Variants in PRR29 observed in about 807,000 individuals in gnomAD.
The protein encoded by PRR29 is proline-rich protein 29.
A neutral mutation model predicts 25.1 loss-of-function variants in PRR29; 20 were observed. That is an observed-to-expected ratio of 0.80 (90% CI 0.56 to 1.16). PRR29 has a LOEUF of 1.16. Among genes scored for constraint, PRR29 ranks in the 50% most tolerant of loss-of-function variants. The pLI is 0.00. For synonymous variants in PRR29, 108 were observed against 102.6 expected (o/e 1.05, Z -0.32); for missense variants, 238 against 246.6 (o/e 0.97, Z 0.23).
chr17:64,000,856 CGG>C (rs1349615508), intron 3 of PRR29: 16 of 472,410 alleles, frequency 3.4e-5, no homozygotes, highest in Non-Finnish European at 3.8e-6. Context: ...TTAGTAGAGA[CGG>C]GGTTTCACCG....
chr17:63,998,750 C>A lies in PRR29; in HGVS notation c.104C>A (p.Pro35His), dbSNP rs761616908. Residue 35 changes from proline (P) to histidine (H), a missense_variant, in exon 2 of 6, where the codon CCT (proline) becomes CAT (histidine). Pro to His is a moderately conservative substitution (Grantham distance 77, BLOSUM62 -2). Transcript: ENST00000412177. ...CAGCCCCTCTCGTGGGCCGTCCCAC[C>A]TGCGCCCCCGCAGCCAGGCCGCGTG... ...FLQPLSWAVP[P>H]APPQPGRVKE... 1 of 1,529,856 alleles carries A rather than the reference C, an allele frequency of 6.5e-7. No homozygotes were observed. The highest frequency in any genetic ancestry group is 8.7e-7 in the Non-Finnish European group (1 of 1,143,810). The allele number at this position is 1,529,856 out of a possible 1,614,324, so 94.8% of individuals were successfully genotyped here.
chr17:63,999,114 T>C (rs1204604987), intron 3 of PRR29, 40 bp downstream of exon 3: 1 of 1,465,868 alleles, frequency 6.8e-7, no homozygotes, highest in South Asian at 1.2e-5. Flanking sequence ...CACCTGTGGG[T>C]CCAGGGATGC....
Position 63,998,966 on chromosome 17 carries a change from A to C in PRR29, c.137-2A>C. 6.5e-7 allele frequency: 1 copy of C among 1,536,228 alleles called. No individual in the cohort carries two copies. The highest frequency in any genetic ancestry group is 1.2e-5 in the South Asian group (1 of 84,066). On this transcript the variant is annotated splice_acceptor_variant, in intron 2 of 5. Coordinates refer to ENST00000412177, the MANE Select transcript of PRR29 (RefSeq NM_001164257.2). LOFTEE classifies it high-confidence loss of function. The stretch of plus-strand genomic sequence containing the variant: ...GTGGGCTTGCTGAACCCCGCTTCCT[A>C]GACCTGCTGGAACTGATGATGCTGC...
Position 64,002,164 on chromosome 17 carries a change from C to T in PRR29, c.*403C>T, listed in dbSNP as rs1910817880. On this transcript the variant is annotated 3_prime_UTR_variant, in exon 6 of 6. Transcript: ENST00000412177. ...GCAAGAGGGGAGGGGGGGATTCCTT[C>T]TGCTTTCCACAGCTTTGAAGGCCCC... The T allele has an allele frequency of 9.4e-6, 7 of 744,454 alleles. No homozygotes were observed. Among genetic ancestry groups the T allele is most frequent in the Admixed American group, 2.9e-5 (1 of 34,356 alleles). 46.1% of individuals were successfully genotyped at this position (744,454 alleles called of 1,614,324 possible).
Position 64,003,771 on chromosome 17 carries a change from T to A in PRR29, c.*2010T>A, listed in dbSNP as rs1341501207. On this transcript the variant is annotated 3_prime_UTR_variant, in exon 6 of 6. Transcript: ENST00000412177. ...CCTCTCTGTCAGCCGTGCTGTTGAATGTGGCTGTGGCCTCCTGCGGAGCAG... is the reference window on the plus strand; with the variant it reads ...CCTCTCTGTCAGCCGTGCTGTTGAAAGTGGCTGTGGCCTCCTGCGGAGCAG... 3 of 1,614,246 alleles carry A rather than the reference T, an allele frequency of 1.9e-6. No homozygotes were observed. Among genetic ancestry groups the A allele is most frequent in the Non-Finnish European group, 2.5e-6 (3 of 1,180,044 alleles).
At chr17:64,000,722 T>G (rs373955552) in intron 3 of PRR29, 11 of 243,706 alleles carry the variant, frequency 4.5e-5, no homozygotes, top group South Asian at 4.3e-4. Flanking sequence ...GCTCGATCTC[T>G]GCTCACTGCA....
rs747330338 is a variant in PRR29, at chr17:64,002,251, A to G, written c.*490A>G. On this transcript the variant is annotated 3_prime_UTR_variant, in exon 6 of 6. Transcript: ENST00000412177. ...GAGACTTTGCTGGGCAGCGCCCCTG[A>G]GCAGAGTCAGTTCGCTGGGCCCCCC... 5.5e-6 allele frequency: 3 copies of G among 541,026 alleles called. No homozygotes were observed. The South Asian group carries it at 6.5e-5, about 12-fold the overall frequency. The allele number at this position is 541,026 out of a possible 1,614,324, so 33.5% of individuals were successfully genotyped here.
rs1399139681 is a variant in PRR29, at chr17:64,001,526, C to A, written c.530C>A (p.Pro177His). The A allele has an allele frequency of 1.3e-6, 2 of 1,517,554 alleles. No homozygotes were observed. Among genetic ancestry groups the A allele is most frequent in the Admixed American group, 2.1e-5 (1 of 48,424 alleles). The allele number at this position is 1,517,554 out of a possible 1,614,324, so 94.0% of individuals were successfully genotyped here. Residue 177 changes from proline to histidine, a missense_variant, in exon 5 of 6, where the codon CCC (proline) becomes CAC (histidine). Pro to His is a moderately conservative substitution (Grantham distance 77). Transcript: ENST00000412177. Reference sequence around the variant, plus strand: ...ACAGGGACTGTGGGTGCTGATGTACCCCCGGCTTCAGGTAGGGCTGGGGTG... The same window carrying A: ...ACAGGGACTGTGGGTGCTGATGTACACCCGGCTTCAGGTAGGGCTGGGGTG... ...SATGTVGADVPPASDYYDAES... is the reference protein window; with the variant it reads ...SATGTVGADVHPASDYYDAES...
At position 64,001,219 on chromosome 17, in the gene PRR29, C is replaced by CT; in HGVS notation, c.379_380insT (p.Pro127LeufsTer49). 1 of 1,537,416 alleles carries CT rather than the reference C, an allele frequency of 6.5e-7. No homozygotes were observed. Among genetic ancestry groups the CT allele is most frequent in the Non-Finnish European group, 8.7e-7 (1 of 1,146,938 alleles). On this transcript the variant is annotated frameshift_variant, in exon 4 of 6. Coordinates refer to ENST00000412177, the MANE Select transcript of PRR29 (RefSeq NM_001164257.2). LOFTEE classifies it high-confidence loss of function. ...CTCCCCGGGTGCCCTGCTGCCCTGG[C>CT]CAGCCCCCTTCTTCCCCACCCCTGC...
At position 63,998,699 on chromosome 17, in the gene PRR29, A is replaced by AC; in HGVS notation, c.61-3dup. 1 of 1,464,696 alleles carries AC rather than the reference A, an allele frequency of 6.8e-7. No homozygotes were observed. The highest frequency in any genetic ancestry group is 9.0e-7 in the Non-Finnish European group (1 of 1,105,094). The allele number at this position is 1,464,696 out of a possible 1,614,324, so 90.7% of individuals were successfully genotyped here. A position where few individuals can be genotyped will look rare whatever the true frequency, so the allele number is the denominator to read the frequency against. On this transcript the variant is annotated splice_polypyrimidine_tract_variant and splice_region_variant and intron_variant, in intron 1 of 5. Transcript: ENST00000412177. ...ACCCCACCTGGCTGACTCCGCGCACACCCCCAGCCCTGGGTCACCTTCCTG... is the reference window on the plus strand; with the variant it reads ...ACCCCACCTGGCTGACTCCGCGCACACCCCCCAGCCCTGGGTCACCTTCCTG...
rs1910276484 is a variant in PRR29 at position 63,998,512 on chromosome 17, G to C, written c.60+88G>C. ...TCCCTGGAGGGGCCAGATCCTGGAG[G>C]GGTGGGGGACGAGGAGAGACAGCCC... On this transcript the variant is annotated intron_variant, in intron 1 of 5. Coordinates refer to ENST00000412177, the MANE Select transcript of PRR29 (RefSeq NM_001164257.2). 5 of 1,369,486 alleles carry C rather than the reference G, an allele frequency of 3.7e-6. No homozygotes were observed. In the South Asian group the frequency reaches 7.4e-5, roughly 20 times the overall value. 84.8% of individuals were successfully genotyped at this position (1,369,486 alleles called of 1,614,324 possible).
Position 64,002,394 on chromosome 17 carries a change from C to T in PRR29, c.*633C>T. ...CCAGGTGGGAACAGTGTGTCCTCTG[C>T]CCCCTGGGCCAGGGTGTGTTTCCCC... On this transcript the variant is annotated 3_prime_UTR_variant, in exon 6 of 6. Transcript: ENST00000412177. 2.5e-6 allele frequency: 1 copy of T among 399,298 alleles called. No individual in the cohort carries two copies. Among genetic ancestry groups the T allele is most frequent in the Admixed American group, 3.9e-5 (1 of 25,924 alleles). The allele number at this position is 399,298 out of a possible 1,614,324, so 24.7% of individuals were successfully genotyped here.
chr17:64,001,926 G>GC lies in PRR29; in HGVS notation c.*169dup, dbSNP rs947222930. On this transcript the variant is annotated 3_prime_UTR_variant, in exon 6 of 6. Transcript: ENST00000412177. ...TCTTCTCCTGGGGAAATCAGTCCCT[G>GC]CCCCACGCCAATGAGTTCCTGGACG... is the stretch of plus-strand genomic sequence containing the variant. The GC allele has an allele frequency of 3.9e-6, 6 of 1,535,390 alleles. No individual in the cohort carries two copies. In the African/African-American group the frequency reaches 8.2e-5, roughly 21 times the overall value.
rs1910740428 is a variant in PRR29, at chr17:64,001,480, C to T, written c.484C>T (p.Pro162Ser). Residue 162 changes from proline (P) to serine (S), a missense_variant, in exon 5 of 6, where the codon CCA becomes TCA. Physicochemically the swap from Pro to Ser is moderately conservative, Grantham distance 74. Transcript: ENST00000412177. ...SREREVRAVPPPPPPSATGTV... is the reference protein window; with the variant it reads ...SREREVRAVPSPPPPSATGTV... ...CCCCCATCTCAGGAGAGCTGTGCCC[C>T]CACCCCCACCCCCCAGTGCCACAGG... 1.4e-6 allele frequency: 2 copies of T among 1,475,908 alleles called. No homozygotes were observed. The highest frequency in any genetic ancestry group is 2.7e-5 in the South Asian group (2 of 73,840). The allele number at this position is 1,475,908 out of a possible 1,614,324, so 91.4% of individuals were successfully genotyped here.
In PRR29 at chr17:63,998,589, A is replaced by G. The variant is rs1910286575; in HGVS notation, c.61-118A>G. On this transcript the variant is annotated intron_variant, in intron 1 of 5. Coordinates refer to ENST00000412177, the MANE Select transcript of PRR29 (RefSeq NM_001164257.2). The stretch of plus-strand genomic sequence containing the variant: ...GGAGCAGGGAGGCCGCGGGGCGGGG[A>G]GGAGAGAACCTGGCCCCTGCGGGGT... The G allele has an allele frequency of 7.5e-6, 8 of 1,070,850 alleles. 1 individual carries two copies. The South Asian group carries it at 1.3e-4, about 17-fold the overall frequency. 66.3% of individuals were successfully genotyped at this position (1,070,850 alleles called of 1,614,324 possible).
Position 64,001,747 on chromosome 17 carries a change from G to A in PRR29, c.556G>A (p.Glu186Lys), listed in dbSNP as rs1486753801. Residue 186 changes from glutamate to lysine, a missense_variant, in exon 6 of 6, where the codon GAG becomes AAG. Coordinates refer to ENST00000412177, the MANE Select transcript of PRR29 (RefSeq NM_001164257.2). Reference protein sequence around the residue: ...VPPASDYYDAESLL With the variant: ...VPPASDYYDAKSLL ...TGTTTCCCCAGACTACTATGATGCCGAGAGCCTCCTATGAGGACAGACCCC... is the reference window on the plus strand; with the variant it reads ...TGTTTCCCCAGACTACTATGATGCCAAGAGCCTCCTATGAGGACAGACCCC... 5.2e-6 allele frequency: 8 copies of A among 1,536,930 alleles called. No homozygotes were observed. The highest frequency in any genetic ancestry group is 2.4e-5 in the East Asian group (1 of 40,920).
Position 64,003,396 on chromosome 17 carries a change from G to T in PRR29, c.*1635G>T. 1 of 540,902 alleles carries T rather than the reference G, an allele frequency of 1.8e-6. No homozygotes were observed. The highest frequency in any genetic ancestry group is 3.3e-6 in the Non-Finnish European group (1 of 302,640). 33.5% of individuals were successfully genotyped at this position (540,902 alleles called of 1,614,324 possible). A position where few individuals can be genotyped will look rare whatever the true frequency, so the allele number is the denominator to read the frequency against. On this transcript the variant is annotated 3_prime_UTR_variant, in exon 6 of 6. Transcript: ENST00000412177. ...TGGAGGGGAGCCAAGGCCAGGGAGA[G>T]CCGTCAAGGTCATGGGGCTTGATGG... is the stretch of plus-strand genomic sequence containing the variant.
intron 1 of PRR29, 44 bp from the exon 2 acceptor site, chr17:63,998,663 C>T: frequency 5.3e-6 from 6 of 1,126,058 alleles, no homozygotes; most frequent in Non-Finnish European, 7.7e-6. Context: ...GTGTCCCCAT[C>T]CATTCCCCCC....
In PRR29 at chr17:63,999,094, CG is replaced by C. The variant is rs1157260019; in HGVS notation, c.243+24del. 2 of 1,525,096 alleles carry C rather than the reference CG, an allele frequency of 1.3e-6. No individual in the cohort carries two copies. Among genetic ancestry groups the C allele is most frequent in the South Asian group, 1.2e-5 (1 of 83,744 alleles). The allele number at this position is 1,525,096 out of a possible 1,614,324, so 94.5% of individuals were successfully genotyped here. A position where few individuals can be genotyped will look rare whatever the true frequency, so the allele number is the denominator to read the frequency against. On this transcript the variant is annotated intron_variant, in intron 3 of 5. Transcript: ENST00000412177. ...CCTCAGGTGCGTGTGGGTGGGCCGC[CG>C]GGGTCGCTCACCTGTGGGTCCAGGG...
Sources: gnomAD v4.1 joint callset for allele counts on GRCh38, gnomAD v4.1.1 for gene constraint, MANE v1.5 for transcripts, NCBI Gene and HGNC (gene_info 2026-07-23, HGNC 2026-07-21) for gene names.